GRM5: variants seen among roughly 807,000 people sequenced by gnomAD.
GRM5 encodes metabotropic glutamate receptor 5.
Under a neutral mutation model 83.1 loss-of-function variants are expected in GRM5, and 19 were observed. The observed-to-expected ratio is 0.23, with a 90% CI of 0.16 to 0.34. GRM5 has a LOEUF of 0.34. Ranked by LOEUF, GRM5 falls within the 10% of genes least tolerant of loss-of-function variation. The probability of loss-of-function intolerance (pLI) is 1.00; values close to 1 mark genes in which losing one functional copy is unlikely to be tolerated. For synonymous variants in GRM5, 675 were observed against 633.6 expected (o/e 1.07, Z -0.98); for missense variants, 1,160 against 1,588.3 (o/e 0.73, Z 4.58).
At chr11:88,611,788 C>T (rs545155904) in intron 4 of GRM5, among the ~76,000 whole-genome samples, 2 of 151,938 alleles carry the variant, frequency 1.3e-5, no homozygotes, top group East Asian at 3.9e-4. Context: ...TTTTCTAGTT[C>T]TTCTTCCTTT....
At position 88,814,223 on chromosome 11, in the gene GRM5, A is replaced by T. The variant is rs529441628; in HGVS notation, c.911+35683T>A. On this transcript the variant is annotated intron_variant, in intron 3 of 9. Coordinates refer to ENST00000305447, the MANE Select transcript of GRM5 (RefSeq NM_001143831.3). ...AGAAACAAACAAGATGAACCCTACA[A>T]TTGCCCTAGCCCATAGCCACAAGGG... Among the ~76,000 whole-genome samples, 15 of 152,310 alleles carry T rather than the reference A, an allele frequency of 9.8e-5. 1 individual carries two copies. The East Asian group carries it at 2.7e-3, about 27-fold the overall frequency.
intron 2 of GRM5, among the ~76,000 whole-genome samples, chr11:88,999,875 T>C (rs1348834117): frequency 6.6e-6 from 1 of 152,246 alleles, no homozygotes; most frequent in Non-Finnish European, 1.5e-5. Flanking sequence ...TAAGAAAATG[T>C]GTCACATATA....
chr11:88,787,901 T>C (rs1406057085), intron 3 of GRM5, among the ~76,000 whole-genome samples: 1 of 152,188 alleles, frequency 6.6e-6, no homozygotes, highest in African/African-American at 2.4e-5. Flanking sequence ...TTATGTGATA[T>C]CCAAGTGGAG....
chr11:88,537,736 T>G (rs1256185490), intron 8 of GRM5, among the ~76,000 whole-genome samples: 1 of 152,180 alleles, frequency 6.6e-6, no homozygotes, highest in African/African-American at 2.4e-5. Flanking sequence ...TCAGATCTTG[T>G]GGTCTCCGTG....
At chr11:89,017,831 T>C (rs1244711494) in intron 2 of GRM5, among the ~76,000 whole-genome samples, 1 of 152,180 alleles carries the variant, frequency 6.6e-6, no homozygotes, top group Non-Finnish European at 1.5e-5. Flanking sequence ...ATGTTTGGTT[T>C]TCAGTTCCTA....
rs1354429503 is a variant in GRM5, at chr11:88,779,969, A to G, written c.911+69937T>C. ...TGTTCCAGTCATTTTGTTTTTCTTTAATCTCCTCAGAATCCAGAGCTATGC... is the reference window on the plus strand; with the variant it reads ...TGTTCCAGTCATTTTGTTTTTCTTTGATCTCCTCAGAATCCAGAGCTATGC... On this transcript the variant is annotated intron_variant, in intron 3 of 9. Transcript: ENST00000305447. Among the ~76,000 whole-genome samples, 4 of 151,932 alleles carry G rather than the reference A, an allele frequency of 2.6e-5. No homozygotes were observed. The East Asian group carries it at 7.7e-4, about 29-fold the overall frequency.
chr11:88,895,350 C>A (rs182028976), intron 2 of GRM5, among the ~76,000 whole-genome samples: 8 of 151,990 alleles, frequency 5.3e-5, no homozygotes, highest in African/African-American at 1.9e-4. Flanking sequence ...ATAAGTTTGG[C>A]AGTAGACAAG....
intron 2 of GRM5, among the ~76,000 whole-genome samples, chr11:88,873,232 A>G (rs1452537789): frequency 6.6e-6 from 1 of 151,752 alleles, no homozygotes; most frequent in Admixed American, 6.6e-5. Context: ...AGACTTAAAG[A>G]AAGAGATTGC....
chr11:88,508,936 T>C lies in GRM5; in HGVS notation c.3295A>G (p.Ile1099Val). 1 of 1,599,476 alleles carries C rather than the reference T, an allele frequency of 6.3e-7. No homozygotes were observed. The highest frequency in any genetic ancestry group is 8.5e-7 in the Non-Finnish European group (1 of 1,173,498). The change falls in exon 10 of 10, where the codon ATC becomes GTC. Residue 1099 changes from isoleucine to valine, a missense_variant. This residue lies in a region of GRM5 where 562 missense variants were observed against 532.4 expected (regional missense o/e 1.06). Transcript: ENST00000305447. This position sits in a 1 kb window ranked among gnomAD's most constrained non-coding sequence, Gnocchi z 4.2. ...VGAPLCSSYL[I>V]PKEIQLPTTM... ...GTGGGCAACTGGATCTCTTTGGGGATCAGGTAGGACGAGCAGAGCGGGGCG... is the reference window on the plus strand; with the variant it reads ...GTGGGCAACTGGATCTCTTTGGGGACCAGGTAGGACGAGCAGAGCGGGGCG...
intron 8 of GRM5, among the ~76,000 whole-genome samples, chr11:88,543,483 G>A (rs767860190): frequency 4.6e-5 from 7 of 152,012 alleles, no homozygotes; most frequent in Non-Finnish European, 1.0e-4. Context: ...ACAACAGTGA[G>A]TGGGGCCTGG....
At chr11:89,013,147 C>T (rs777051231) in intron 2 of GRM5, among the ~76,000 whole-genome samples, 43 of 152,206 alleles carry the variant, frequency 2.8e-4, no homozygotes, top group Middle Eastern at 3.4e-3. Flanking sequence ...TAAGATAGCA[C>T]GTCGTGTTGC....
intron 2 of GRM5, among the ~76,000 whole-genome samples, chr11:89,004,656 C>G (rs1940475977): frequency 1.3e-5 from 2 of 152,140 alleles, no homozygotes; most frequent in Admixed American, 6.5e-5. Context: ...AATTTAGGCT[C>G]TGGAATCATT....
intron 2 of GRM5, chr11:88,925,820 A>G (rs868284282): frequency 9.0e-6 from 4 of 446,314 alleles, no homozygotes; most frequent in African/African-American, 2.0e-5. Flanking sequence ...GAGGCATGAG[A>G]ATAGCTTGAA....
chr11:88,671,028 C>T (rs1012671371), intron 3 of GRM5, among the ~76,000 whole-genome samples: 2 of 151,938 alleles, frequency 1.3e-5, no homozygotes, highest in African/African-American at 4.8e-5. Flanking sequence ...AGGAGCATCG[C>T]CATCTTGGAC....
chr11:88,541,562 G>A (rs4753106), intron 8 of GRM5, among the ~76,000 whole-genome samples: 63,470 of 151,978 alleles, frequency 0.42, 15,316 homozygotes, highest in East Asian at 0.69. Context: ...TAGTTTGCCT[G>A]AGATGGGCAA....
chr11:88,763,979 A>G (rs1281163167), intron 3 of GRM5, among the ~76,000 whole-genome samples: 1 of 151,762 alleles, frequency 6.6e-6, no homozygotes, highest in African/African-American at 2.4e-5. Flanking sequence ...CCAGAGACCC[A>G]CTGAGATTCA....
At chr11:88,674,477 A>C (rs1189620608) in intron 3 of GRM5, among the ~76,000 whole-genome samples, 1 of 151,976 alleles carries the variant, frequency 6.6e-6, no homozygotes, top group Non-Finnish European at 1.5e-5. Context: ...CCTACTAGAC[A>C]GCTTGCTCCA....
At chr11:88,582,315 G>C (rs1300702397) in intron 7 of GRM5, among the ~76,000 whole-genome samples, 1 of 152,124 alleles carries the variant, frequency 6.6e-6, no homozygotes, top group Non-Finnish European at 1.5e-5. Context: ...ACTGCATTTG[G>C]TGTGTGGTTT....
At chr11:88,647,242 G>C (rs1007594835) in intron 4 of GRM5, among the ~76,000 whole-genome samples, 1 of 151,948 alleles carries the variant, frequency 6.6e-6, no homozygotes, top group Non-Finnish European at 1.5e-5. Context: ...CTTGCAATGA[G>C]CCTATTTCTA....
Sources: gnomAD v4.1 joint callset for allele counts (sites outside exome capture counted in the v4.1 genomes callset) on GRCh38, gnomAD v4.1.1 for gene constraint, gnomAD v4.1.1 regional missense constraint, Gnocchi (gnomAD v3.1) non-coding constraint, MANE v1.5 for transcripts, NCBI Gene and HGNC (gene_info 2026-07-23, HGNC 2026-07-21) for gene names.